Variants in UIMC1 observed in about 807,000 individuals in gnomAD.
The protein encoded by UIMC1 is BRCA1-A complex subunit RAP80.
In UIMC1, 42 loss-of-function variants were observed where a neutral mutation model predicts 84.9. The observed-to-expected ratio is 0.49, with a 90% CI of 0.39 to 0.64. The LOEUF is 0.64. UIMC1 is among the 30% of genes least tolerant of loss of function. The pLI is 0.00. For synonymous variants in UIMC1, 281 were observed against 293.0 expected (o/e 0.96, Z 0.42); for missense variants, 825 against 847.6 (o/e 0.97, Z 0.33).
chr5:176,908,464 C>T (rs1363257473), intron 12 of UIMC1, 59 bp downstream of exon 12: 2 of 1,550,538 alleles, frequency 1.3e-6, no homozygotes, highest in East Asian at 2.3e-5. Flanking sequence ...GAACTGTGGC[C>T]TCTTACAACT....
chr5:176,919,248 C>T, intron 10 of UIMC1: 2 of 324,696 alleles, frequency 6.2e-6, no homozygotes, highest in East Asian at 1.3e-4. Context: ...TACTGCACTC[C>T]AGCCTGGGCA....
At chr5:176,941,404 T>A (rs1764412340) in intron 10 of UIMC1, among the ~76,000 whole-genome samples, 1 of 152,196 alleles carries the variant, frequency 6.6e-6, no homozygotes, top group African/African-American at 2.4e-5. Flanking sequence ...TAATTTTAAG[T>A]ATTCAATAAA....
intron 1 of UIMC1, among the ~76,000 whole-genome samples, chr5:177,005,392 C>T (rs1435030142): frequency 6.6e-6 from 1 of 152,022 alleles, no homozygotes; most frequent in African/African-American, 2.4e-5. Flanking sequence ...GCTCTAATAA[C>T]TAAATACAAT....
Position 176,929,390 on chromosome 5 carries a change from C to T in UIMC1, c.1597+13945G>A, listed in dbSNP as rs563572212. ...CATCCTGGCTAACACGGTGAAACCC[C>T]GTCTCTACTAAAAAAAATACAAAAA... On this transcript the variant is annotated intron_variant, in intron 10 of 14. Transcript: ENST00000511320. Among the ~76,000 whole-genome samples, 4 of 150,874 alleles carry T rather than the reference C, an allele frequency of 2.7e-5. No individual in the cohort carries two copies. The East Asian group carries it at 5.9e-4, about 22-fold the overall frequency.
intron 1 of UIMC1, among the ~76,000 whole-genome samples, chr5:177,018,145 G>A (rs1044094198): frequency 2.0e-5 from 3 of 152,016 alleles, no homozygotes; most frequent in Non-Finnish European, 2.9e-5. Flanking sequence ...GAGATCAGGA[G>A]TTCAAGATCA....
At chr5:176,922,950 T>C (rs1761886291) in intron 10 of UIMC1, among the ~76,000 whole-genome samples, 1 of 152,224 alleles carries the variant, frequency 6.6e-6, no homozygotes, top group African/African-American at 2.4e-5. Flanking sequence ...TGTGGCTTTT[T>C]TGCAGCAAAG....
chr5:176,978,326 T>C (rs1028069995), intron 2 of UIMC1, among the ~76,000 whole-genome samples: 6 of 151,866 alleles, frequency 4.0e-5, no homozygotes, highest in Non-Finnish European at 8.8e-5. Context: ...TGAGCAGAGA[T>C]GGCGCCACCG....
chr5:176,959,715 CAA>C (rs1169116401), intron 6 of UIMC1, among the ~76,000 whole-genome samples: 990 of 53,864 alleles, frequency 0.018, 5 homozygotes, highest in Middle Eastern at 0.062. Flanking sequence ...GACTCCGTCT[CAA>C]AAAAAAAAAA....
chr5:176,924,135 T>C (rs928620347), intron 10 of UIMC1, among the ~76,000 whole-genome samples: 3 of 151,446 alleles, frequency 2.0e-5, no homozygotes, highest in African/African-American at 7.3e-5. Context: ...CTGGCCAACA[T>C]GGCGAAACCC....
At chr5:176,984,759 C>T (rs1340037052) in intron 1 of UIMC1, among the ~76,000 whole-genome samples, 1 of 152,224 alleles carries the variant, frequency 6.6e-6, no homozygotes, top group Admixed American at 6.5e-5. Flanking sequence ...AAAAATTCTT[C>T]TGCCTTGGGA....
intron 10 of UIMC1, among the ~76,000 whole-genome samples, chr5:176,926,745 T>C (rs1407392656): frequency 2.6e-5 from 4 of 152,072 alleles, no homozygotes; most frequent in Non-Finnish European, 5.9e-5. Context: ...AAGGTCCATA[T>C]ATGTAAAAAA....
rs148854557 is a variant in UIMC1 at position 176,974,394 on chromosome 5, A to G, written c.232+1002T>C. ...ACCTTGCACCATATACAAAAACTCAAAATAGATCAGAAATCTAAATGCTAA... is the reference window on the plus strand; with the variant it reads ...ACCTTGCACCATATACAAAAACTCAGAATAGATCAGAAATCTAAATGCTAA... On this transcript the variant is annotated intron_variant, in intron 3 of 14. Coordinates refer to ENST00000511320, the MANE Select transcript of UIMC1 (RefSeq NM_001199298.2). Among the ~76,000 whole-genome samples the G allele has an allele frequency of 9.1e-3, 1,386 of 152,336 alleles. 8 individuals are homozygous for G. Among genetic ancestry groups the G allele is most frequent in the South Asian group, 0.025 (121 of 4,830 alleles).
At chr5:176,949,873 G>A (rs1305164356) in intron 9 of UIMC1, among the ~76,000 whole-genome samples, 2 of 151,956 alleles carry the variant, frequency 1.3e-5, no homozygotes, top group Non-Finnish European at 2.9e-5. Context: ...TGGCCATCAG[G>A]GTAAAATCCC....
At chr5:176,949,472 T>C (rs867529987) in intron 9 of UIMC1, among the ~76,000 whole-genome samples, 1 of 152,256 alleles carries the variant, frequency 6.6e-6, no homozygotes, top group African/African-American at 2.4e-5. Context: ...AGGATGACTA[T>C]GGTAATAATA....
chr5:176,907,791 C>T (rs905508009), intron 12 of UIMC1, among the ~76,000 whole-genome samples: 1 of 152,186 alleles, frequency 6.6e-6, no homozygotes, highest in African/African-American at 2.4e-5. Flanking sequence ...ATTGGATATC[C>T]TTTCCGGAAA....
At chr5:177,000,632 C>T (rs1440116394) in intron 1 of UIMC1, among the ~76,000 whole-genome samples, 1 of 151,456 alleles carries the variant, frequency 6.6e-6, no homozygotes, top group African/African-American at 2.4e-5. Flanking sequence ...TCCTGAGTAG[C>T]TGGGATTACA....
chr5:176,953,445 GAATT>G (rs1447312159), intron 8 of UIMC1, among the ~76,000 whole-genome samples: 2 of 148,224 alleles, frequency 1.3e-5, no homozygotes, highest in African/African-American at 2.6e-5. Context: ...TACATTTCTA[GAATT>G]AATTATATTT....
chr5:177,009,601 A>T (rs1426341112), upstream of UIMC1, among the ~76,000 whole-genome samples: 1 of 152,214 alleles, frequency 6.6e-6, no homozygotes, highest in Non-Finnish European at 1.5e-5. This position sits in a 1 kb window ranked among gnomAD's most constrained non-coding sequence, Gnocchi z 4.3. Context: ...GTATATTCAT[A>T]GAATAACATA....
Position 176,970,871 on chromosome 5 carries a change from A to G in UIMC1, c.233-5T>C, listed in dbSNP as rs377602786. On this transcript the variant is annotated splice_region_variant and splice_polypyrimidine_tract_variant and intron_variant, in intron 3 of 14. Transcript: ENST00000511320. ...ACTGTTCTTCTTCTGTCATCTCTGT[A>G]AGAGGATAGGGAAAAGAGAAGGAGG... is the stretch of plus-strand genomic sequence containing the variant. The G allele has an allele frequency of 2.0e-5, 33 of 1,613,306 alleles. No homozygotes were observed. Among genetic ancestry groups the G allele is most frequent in the Non-Finnish European group, 2.4e-5 (28 of 1,179,844 alleles).
Sources: gnomAD v4.1 joint callset for allele counts (sites outside exome capture counted in the v4.1 genomes callset) on GRCh38, gnomAD v4.1.1 for gene constraint, Gnocchi (gnomAD v3.1) non-coding constraint, MANE v1.5 for transcripts, NCBI Gene and HGNC (gene_info 2026-07-23, HGNC 2026-07-21) for gene names.